SOX5: variants seen among roughly 807,000 people sequenced by gnomAD.
SOX5 encodes SRY-box transcription factor 5.
SOX5 carries 9 observed loss-of-function variants against 92.0 expected under a neutral mutation model. That is an observed-to-expected ratio of 0.10 (90% CI 0.06 to 0.17). The LOEUF is 0.17. SOX5 is among the 10% of genes least tolerant of loss of function. SOX5 has a pLI of 1.00. For missense variants in SOX5, 642 were observed against 944.5 expected (o/e 0.68, Z 4.20); for synonymous variants, 344 against 336.3 (o/e 1.02, Z -0.25).
chr12:24,000,248 A>G (rs1313568782), intron 4 of SOX5, among the ~76,000 whole-genome samples: 1 of 151,766 alleles, frequency 6.6e-6, no homozygotes, highest in Non-Finnish European at 1.5e-5. Flanking sequence ...AGAAATGAAG[A>G]GTGAAAGAAA....
At chr12:24,100,920 C>G in intron 4 of SOX5, among the ~76,000 whole-genome samples, 1 of 152,008 alleles carries the variant, frequency 6.6e-6, no homozygotes, top group Admixed American at 6.6e-5. Context: ...TCGGTTTTAC[C>G]CTCATAATAA....
rs1429038435 is a variant in SOX5, at chr12:23,766,364, A to G, written c.482-10640T>C. ...CTACATATTTTTCCAGCCATGAAGG[A>G]TATTATCAAGAGCATAATAGAATTG... On this transcript the variant is annotated intron_variant, in intron 3 of 14. Coordinates refer to ENST00000451604, the MANE Select transcript of SOX5 (RefSeq NM_006940.6). Among the ~76,000 whole-genome samples, 3 of 152,192 alleles carry G rather than the reference A, an allele frequency of 2.0e-5. No individual in the cohort carries two copies. The East Asian group carries it at 5.8e-4, about 29-fold the overall frequency.
intron 2 of SOX5, among the ~76,000 whole-genome samples, chr12:23,892,282 T>C (rs1295270996): frequency 2.0e-5 from 3 of 152,082 alleles, no homozygotes; most frequent in Non-Finnish European, 4.4e-5. Context: ...GAAGGTAACA[T>C]GTGAAAATAG....
In SOX5 at chr12:23,639,026, T is replaced by C. The variant is rs557197790; in HGVS notation, c.1017+1786A>G. 7.9e-5 allele frequency among the ~76,000 whole-genome samples: 12 copies of C among 152,258 alleles called. No individual in the cohort carries two copies. The South Asian group carries it at 2.3e-3, about 29-fold the overall frequency. On this transcript the variant is annotated intron_variant, in intron 8 of 14. Coordinates refer to ENST00000451604, the MANE Select transcript of SOX5 (RefSeq NM_006940.6). ...TATTTGAGGCTCTAAAACTCATGCATTTTAATGGGTACAATACCACTTCTA... is the reference window on the plus strand; with the variant it reads ...TATTTGAGGCTCTAAAACTCATGCACTTTAATGGGTACAATACCACTTCTA...
upstream of SOX5, among the ~76,000 whole-genome samples, chr12:23,953,402 G>A (rs896772620): frequency 6.6e-6 from 1 of 151,996 alleles, no homozygotes; most frequent in African/African-American, 2.4e-5. Context: ...AAAAGCTTAA[G>A]ATATTCAATT....
chr12:24,406,943 G>A (rs1193676862), intron 1 of SOX5, among the ~76,000 whole-genome samples: 1 of 152,186 alleles, frequency 6.6e-6, no homozygotes, highest in Non-Finnish European at 1.5e-5. Context: ...GTAGACAGGG[G>A]TGATGGGCAA....
chr12:24,109,061 AC>A (rs1947021589), intron 4 of SOX5, among the ~76,000 whole-genome samples: 1 of 152,114 alleles, frequency 6.6e-6, no homozygotes, highest in East Asian at 1.9e-4. Flanking sequence ...AAACCTGCAG[AC>A]CTAATGTTTT....
chr12:23,782,488 A>G (rs1301898922), intron 3 of SOX5, among the ~76,000 whole-genome samples: 3 of 152,142 alleles, frequency 2.0e-5, no homozygotes, highest in Non-Finnish European at 4.4e-5. Flanking sequence ...GAAAGTTCCA[A>G]GTATCTAAAA....
chr12:24,306,336 G>A (rs915517844), intron 2 of SOX5, among the ~76,000 whole-genome samples: 1 of 152,210 alleles, frequency 6.6e-6, no homozygotes, highest in Non-Finnish European at 1.5e-5. Flanking sequence ...AATGCCAGCA[G>A]CAAAGTGACT....
chr12:23,598,702 C>G (rs552996855), intron 9 of SOX5, among the ~76,000 whole-genome samples: 3 of 151,878 alleles, frequency 2.0e-5, no homozygotes, highest in Non-Finnish European at 4.4e-5. Context: ...CCCGGCCACT[C>G]TTGTGCTATA....
At chr12:23,658,864 G>A (rs1285801256) in intron 7 of SOX5, among the ~76,000 whole-genome samples, 2 of 152,204 alleles carry the variant, frequency 1.3e-5, no homozygotes, top group African/African-American at 2.4e-5. Context: ...TTGCACTCCA[G>A]CCTGGGCAAC....
intron 8 of SOX5, among the ~76,000 whole-genome samples, chr12:23,632,956 C>A (rs1162988558): frequency 6.6e-6 from 1 of 152,012 alleles, no homozygotes; most frequent in Non-Finnish European, 1.5e-5. Context: ...AATAGTCCTA[C>A]TAAAATAATT....
At chr12:23,867,381 GC>G (rs2096825876) in intron 2 of SOX5, among the ~76,000 whole-genome samples, 1 of 152,022 alleles carries the variant, frequency 6.6e-6, no homozygotes, top group Non-Finnish European at 1.5e-5. Flanking sequence ...CAAGATTTAA[GC>G]AAAAATCACA....
intron 2 of SOX5, among the ~76,000 whole-genome samples, chr12:23,848,929 T>C (rs2096602372): frequency 6.6e-6 from 1 of 152,186 alleles, no homozygotes; most frequent in Admixed American, 6.6e-5. Flanking sequence ...TGCTTAACCT[T>C]ACCCCTTTTG....
At chr12:24,404,347 G>A (rs552813779) in intron 1 of SOX5, among the ~76,000 whole-genome samples, 1 of 152,118 alleles carries the variant, frequency 6.6e-6, no homozygotes, top group Non-Finnish European at 1.5e-5. Flanking sequence ...AACTCAAGTT[G>A]ACACTATTTT....
At chr12:24,166,616 A>G (rs1167545442) in intron 4 of SOX5, among the ~76,000 whole-genome samples, 1 of 152,152 alleles carries the variant, frequency 6.6e-6, no homozygotes, top group African/African-American at 2.4e-5. Flanking sequence ...CTTCTTTCTC[A>G]TTGATATTTG....
intron 4 of SOX5, among the ~76,000 whole-genome samples, chr12:24,093,984 T>C (rs1328050676): frequency 6.6e-6 from 1 of 152,190 alleles, no homozygotes; most frequent in African/African-American, 2.4e-5. Context: ...TTTGCTCTTG[T>C]TGCCCAGGCT....
At chr12:23,931,305 C>T (rs1030832135) in intron 1 of SOX5, among the ~76,000 whole-genome samples, 6 of 151,680 alleles carry the variant, frequency 4.0e-5, no homozygotes, top group Non-Finnish European at 8.9e-5. Context: ...CATACAATTA[C>T]TTACAACAAA....
intron 3 of SOX5, among the ~76,000 whole-genome samples, chr12:24,241,198 C>T (rs952873599): frequency 6.6e-6 from 1 of 152,046 alleles, no homozygotes; most frequent in Non-Finnish European, 1.5e-5. Flanking sequence ...AGTGTGATAC[C>T]AGGATATATC....
Sources: allele counts gnomAD v4.1 joint callset (sites outside exome capture counted in the v4.1 genomes callset), GRCh38; gene constraint gnomAD v4.1.1; transcripts MANE v1.5; gene names NCBI Gene and HGNC (gene_info 2026-07-23, HGNC 2026-07-21).